Variants in ADGRB3 observed in about 807,000 individuals in gnomAD.
The protein encoded by ADGRB3 is brain-specific angiogenesis inhibitor 3.
A neutral mutation model predicts 193.4 loss-of-function variants in ADGRB3; 37 were observed. The ratio of observed to expected loss-of-function variants is 0.19; its 90% CI spans 0.15 to 0.25. The LOEUF (loss-of-function observed/expected upper bound fraction) is 0.25, where lower values mean the gene tolerates loss of function less well. ADGRB3 is among the 10% of genes least tolerant of loss of function. The pLI is 1.00. For missense variants in ADGRB3, 1,637 were observed against 1,852.9 expected, an observed-to-expected ratio of 0.88 and a Z score of 2.14; for synonymous variants, 690 against 644.2, an observed-to-expected ratio of 1.07 and a Z score of -1.08.
chr6:69,067,284 G>T (rs1771937975), intron 16 of ADGRB3, among the ~76,000 whole-genome samples: 1 of 152,028 alleles, frequency 6.6e-6, no homozygotes, highest in Non-Finnish European at 1.5e-5. Flanking sequence ...TGGGCTTGTA[G>T]GTTTTGTTTT....
chr6:69,149,847 G>C (rs897089559), intron 17 of ADGRB3, among the ~76,000 whole-genome samples: 10 of 151,840 alleles, frequency 6.6e-5, no homozygotes, highest in African/African-American at 2.4e-4. Flanking sequence ...AATTCCCTGG[G>C]TTATTCTCTT....
chr6:68,828,285 A>G (rs948891180), intron 3 of ADGRB3, among the ~76,000 whole-genome samples: 1 of 152,186 alleles, frequency 6.6e-6, no homozygotes, highest in Non-Finnish European at 1.5e-5. Flanking sequence ...TTTAGTAAGT[A>G]GAATGTAATC....
chr6:69,287,991 T>C (rs1029806684), intron 20 of ADGRB3, among the ~76,000 whole-genome samples: 8 of 152,156 alleles, frequency 5.3e-5, no homozygotes, highest in Non-Finnish European at 1.5e-5. Flanking sequence ...TTTGTTTTGT[T>C]ATGTGGGTGA....
chr6:68,786,950 CTGTT>C (rs1766986381), intron 3 of ADGRB3, among the ~76,000 whole-genome samples: 1 of 151,978 alleles, frequency 6.6e-6, no homozygotes, highest in Admixed American at 6.6e-5. Flanking sequence ...ATTTGGCTCT[CTGTT>C]TGTCTGTTAT....
At chr6:68,687,870 A>G (rs1310377885) in intron 3 of ADGRB3, among the ~76,000 whole-genome samples, 2 of 152,194 alleles carry the variant, frequency 1.3e-5, no homozygotes, top group Non-Finnish European at 2.9e-5. Context: ...AGTTCCCAAG[A>G]TTATTTTTCT....
At chr6:69,082,113 C>A (rs1772403555) in intron 17 of ADGRB3, among the ~76,000 whole-genome samples, 1 of 151,960 alleles carries the variant, frequency 6.6e-6, no homozygotes, top group Admixed American at 6.6e-5. Flanking sequence ...ACTACAACTG[C>A]AAAGTTGAGT....
chr6:69,100,611 G>A (rs1352302256), intron 17 of ADGRB3, among the ~76,000 whole-genome samples: 1 of 152,034 alleles, frequency 6.6e-6, no homozygotes, highest in African/African-American at 2.4e-5. Context: ...ACCTTGGTCA[G>A]AGATTGGCTT....
intron 17 of ADGRB3, among the ~76,000 whole-genome samples, chr6:69,164,967 A>T (rs892991178): frequency 6.6e-6 from 1 of 151,992 alleles, no homozygotes; most frequent in Admixed American, 6.6e-5. Context: ...AGTAGACATT[A>T]TCCTCTTTCT....
At chr6:68,753,869 A>G (rs1322956320) in intron 3 of ADGRB3, among the ~76,000 whole-genome samples, 1 of 152,158 alleles carries the variant, frequency 6.6e-6, no homozygotes, top group Admixed American at 6.6e-5. Context: ...TTTTTTTTCT[A>G]GACTATTGAT....
At chr6:68,741,420 C>G (rs1422425797) in intron 3 of ADGRB3, among the ~76,000 whole-genome samples, 1 of 152,022 alleles carries the variant, frequency 6.6e-6, no homozygotes, top group Non-Finnish European at 1.5e-5. Flanking sequence ...CTCTGTTGCC[C>G]AGGCTGGAGT....
In ADGRB3 at chr6:69,067,594, A is replaced by G. The variant is rs114936361; in HGVS notation, c.2436+4558A>G. 6.1e-3 allele frequency among the ~76,000 whole-genome samples: 932 copies of G among 152,260 alleles called. 12 individuals carry two copies. Among genetic ancestry groups the G allele is most frequent in the African/African-American group, 0.021 (887 of 41,572 alleles). On this transcript the variant is annotated intron_variant, in intron 16 of 31. Transcript: ENST00000370598. ...TGAAAAGTTCAGTGTGTGCATCCGT[A>G]ATTTTCACAAAGGGCTGTTTGATAT... is the stretch of plus-strand genomic sequence containing the variant.
intron 26 of ADGRB3, among the ~76,000 whole-genome samples, chr6:69,341,033 G>A (rs1039326141): frequency 1.3e-5 from 2 of 152,156 alleles, no homozygotes; most frequent in Non-Finnish European, 1.5e-5. Context: ...CATTTGGATT[G>A]GTTCCAAGTT....
intron 17 of ADGRB3, among the ~76,000 whole-genome samples, chr6:69,180,459 A>G (rs1023605410): frequency 1.3e-5 from 2 of 152,148 alleles, no homozygotes; most frequent in African/African-American, 2.4e-5. Flanking sequence ...TCACTGTACA[A>G]CAATCTGTGT....
chr6:68,955,945 G>C (rs1768058566), intron 6 of ADGRB3, 79 bp from the exon 7 acceptor site: 23 of 1,448,176 alleles, frequency 1.6e-5, no homozygotes, highest in Non-Finnish European at 2.1e-5. Flanking sequence ...ATCTTCAAGG[G>C]TGGTTTTACC....
chr6:69,367,805 C>G (rs1255044859), intron 29 of ADGRB3, among the ~76,000 whole-genome samples: 1 of 151,894 alleles, frequency 6.6e-6, no homozygotes, highest in East Asian at 1.9e-4. Context: ...CCATGGAATA[C>G]TATGAGGCCA....
chr6:68,862,514 A>G (rs1765186031), intron 3 of ADGRB3, among the ~76,000 whole-genome samples: 1 of 152,216 alleles, frequency 6.6e-6, no homozygotes, highest in African/African-American at 2.4e-5. Context: ...GATTTTGTGA[A>G]GAAGGTACTA....
chr6:68,944,027 T>C (rs1243047913), intron 6 of ADGRB3, 33 bp downstream of exon 6: 5 of 1,569,586 alleles, frequency 3.2e-6, no homozygotes, highest in Non-Finnish European at 4.4e-6. Context: ...TATGTTTGCA[T>C]TATGTGCTTT....
intron 6 of ADGRB3, among the ~76,000 whole-genome samples, chr6:68,954,771 C>A (rs12197583): frequency 0.13 from 20,173 of 151,488 alleles, 1,532 homozygotes; most frequent in East Asian, 0.28. Flanking sequence ...GCTCCACCTC[C>A]CGGGTTCACA....
intron 3 of ADGRB3, among the ~76,000 whole-genome samples, chr6:68,894,409 A>G (rs984157286): frequency 6.6e-6 from 1 of 151,986 alleles, no homozygotes. Context: ...TTCCTGTTCT[A>G]TATGAGTTAC....
Sources: allele counts gnomAD v4.1 joint callset (sites outside exome capture counted in the v4.1 genomes callset), GRCh38; gene constraint gnomAD v4.1.1; transcripts MANE v1.5; gene names NCBI Gene and HGNC (gene_info 2026-07-23, HGNC 2026-07-21).